PAK3: variants seen among roughly 807,000 people sequenced by gnomAD.
PAK3 encodes p21 (RAC1) activated kinase 3.
In PAK3, 4 loss-of-function variants were observed where a neutral mutation model predicts 41.0. The ratio of observed to expected loss-of-function variants is 0.10; its 90% CI spans 0.05 to 0.22. The LOEUF is 0.22. Ranked by LOEUF, PAK3 falls within the 10% of genes least tolerant of loss-of-function variation. The pLI is 1.00. For synonymous variants in PAK3, 146 were observed against 139.6 expected (o/e 1.05, Z -0.32); for missense variants, 205 against 409.9 (o/e 0.50, Z 4.32).
chrX:111,113,858 G>A (rs887617915), intron 4 of PAK3, among the ~76,000 whole-genome samples: 1 of 110,770 alleles, frequency 9.0e-6, no homozygotes, highest in Non-Finnish European at 1.9e-5. Context: ...TCCAACCTAT[G>A]AGTGAGAACA....
At chrX:111,090,247 T>C (rs1336162331) in intron 1 of PAK3, among the ~76,000 whole-genome samples, 1 of 110,879 alleles carries the variant, frequency 9.0e-6, no homozygotes, top group African/African-American at 3.3e-5. Flanking sequence ...TGAAGAGAGG[T>C]AATGTGCTTT....
chrX:110,954,953 G>A (rs763083648), intron 1 of PAK3, among the ~76,000 whole-genome samples: 71 of 111,202 alleles, frequency 6.4e-4, no homozygotes, highest in Non-Finnish European at 1.1e-3. Flanking sequence ...GAGCCTGGGT[G>A]GGGGAAGACA....
In PAK3 at chrX:111,173,038, G is replaced by T. The variant is rs1330059263; in HGVS notation, c.787G>T (p.Asp263Tyr). ...CTTAGGAAGCATTGTGAGTGTTGGG[G>T]ACCCAAAGAAAAAATACACAAGATT... ...EKLRSIVSVG[D>Y]PKKKYTRFEK... is the part of the protein sequence containing the mutation. The change falls in exon 11 of 18, where the codon GAC becomes TAC. Residue 263 changes from aspartate to tyrosine, a missense_variant. By Grantham distance (160) the Asp-to-Tyr change is radical. This residue lies in a region of PAK3 where 75 missense variants were observed against 91.9 expected (regional missense o/e 0.82). Coordinates refer to ENST00000372007, the MANE Select transcript of PAK3 (RefSeq NM_002578.5). 7.9e-6 allele frequency: 9 copies of T among 1,141,632 alleles called. No homozygotes were observed. The highest frequency in any genetic ancestry group is 1.1e-5 in the Non-Finnish European group (9 of 835,606). The allele number at this position is 1,141,632 out of a possible 1,213,427, so 94.1% of individuals were successfully genotyped here.
intron 17 of PAK3, among the ~76,000 whole-genome samples, chrX:111,219,268 G>A (rs1044776323): frequency 1.9e-5 from 2 of 107,783 alleles, no homozygotes; most frequent in Admixed American, 1.0e-4. Flanking sequence ...ACGTTGAGAA[G>A]AGAGTACCCG....
At chrX:110,959,831 G>C (rs1356855249) in intron 1 of PAK3, among the ~76,000 whole-genome samples, 1 of 111,547 alleles carries the variant, frequency 9.0e-6, no homozygotes, top group East Asian at 2.8e-4. Context: ...TCCTGAAAAA[G>C]AAGCGAAAAA....
At chrX:111,200,670 A>G (rs2094672296) in intron 16 of PAK3, among the ~76,000 whole-genome samples, 3 of 111,942 alleles carry the variant, frequency 2.7e-5, no homozygotes, top group Admixed American at 9.5e-5. Context: ...GAAAGAACAC[A>G]TCGGACCTCT....
At chrX:111,204,261 T>C (rs140373385) in intron 16 of PAK3, among the ~76,000 whole-genome samples, 240 of 111,011 alleles carry the variant, frequency 2.2e-3, no homozygotes, top group African/African-American at 7.5e-3. Context: ...AAAGGAGAAA[T>C]TGATTCCATA....
chrX:110,983,953 C>G (rs1448511412), intron 1 of PAK3, among the ~76,000 whole-genome samples: 2 of 111,947 alleles, frequency 1.8e-5, no homozygotes, highest in Admixed American at 9.5e-5. Flanking sequence ...TCAGCAAATC[C>G]TGTTCATTTA....
At chrX:110,989,322 C>T (rs1334054137) in intron 1 of PAK3, among the ~76,000 whole-genome samples, 1 of 112,286 alleles carries the variant, frequency 8.9e-6, no homozygotes, top group East Asian at 2.8e-4. Flanking sequence ...TACAACTTAA[C>T]ATAGTATATT....
At chrX:111,215,735 G>A (rs953516824) in intron 16 of PAK3, among the ~76,000 whole-genome samples, 1 of 111,761 alleles carries the variant, frequency 8.9e-6, no homozygotes, top group African/African-American at 3.3e-5. Context: ...ATGATAATTG[G>A]CAGGTGCCAA....
At chrX:111,096,075 C>G (rs1332121657), upstream of PAK3, among the ~76,000 whole-genome samples, 3 of 111,884 alleles carry the variant, frequency 2.7e-5, no homozygotes, top group Non-Finnish European at 5.6e-5. Flanking sequence ...CCCCAGTAGC[C>G]CACTCAGGGC....
chrX:111,139,438 T>C (rs1490681856), intron 5 of PAK3, among the ~76,000 whole-genome samples: 1 of 111,256 alleles, frequency 9.0e-6, no homozygotes, highest in Non-Finnish European at 1.9e-5. Flanking sequence ...TGTTTTTATT[T>C]GAATTGCATA....
At chrX:111,129,260 A>C (rs1485599370) in intron 5 of PAK3, among the ~76,000 whole-genome samples, 1 of 111,678 alleles carries the variant, frequency 9.0e-6, no homozygotes, top group East Asian at 2.8e-4. Context: ...GCAGTAGCTC[A>C]AAGTTATTAT....
chrX:111,058,377 T>A (rs999846190), intron 1 of PAK3, among the ~76,000 whole-genome samples: 2 of 111,796 alleles, frequency 1.8e-5, no homozygotes, highest in Non-Finnish European at 1.9e-5. Context: ...TAGAGCCATG[T>A]TAGTGGGCAT....
At chrX:111,139,364 AAG>A (rs2093839149) in intron 5 of PAK3, among the ~76,000 whole-genome samples, 1 of 112,030 alleles carries the variant, frequency 8.9e-6, no homozygotes, top group South Asian at 3.7e-4. Flanking sequence ...GCTTAAAAAA[AAG>A]ACTCAATCAC....
chrX:110,972,240 G>A (rs769054727), intron 1 of PAK3, among the ~76,000 whole-genome samples: 10 of 111,428 alleles, frequency 9.0e-5, no homozygotes, highest in African/African-American at 1.6e-4. Flanking sequence ...GCTTCACTGC[G>A]TTTGAGCTCT....
At chrX:111,169,479 C>CAGAGAGAGAGAGAACAAGGGCGAG (rs2094308285) in intron 10 of PAK3, 2 of 112,554 alleles carry the variant, frequency 1.8e-5, no homozygotes, top group Non-Finnish European at 1.8e-5. Flanking sequence ...ATATTAAGTA[C>CAGAGAGAGAGAGAACAAGGGCGAG]AGAGAGAGAG....
intron 1 of PAK3, among the ~76,000 whole-genome samples, chrX:111,012,105 C>T (rs1302499090): frequency 9.0e-6 from 1 of 111,306 alleles, no homozygotes; most frequent in Admixed American, 9.5e-5. Context: ...AGACCCTTAA[C>T]TAATTATAAT....
chrX:111,002,172 G>A (rs1031758659), intron 1 of PAK3, among the ~76,000 whole-genome samples: 2 of 111,523 alleles, frequency 1.8e-5, no homozygotes, highest in African/African-American at 6.5e-5. Flanking sequence ...TATGTGCCAG[G>A]CACTATAATA....
Sources: gnomAD v4.1 joint callset for allele counts (sites outside exome capture counted in the v4.1 genomes callset) on GRCh38, gnomAD v4.1.1 for gene constraint, gnomAD v4.1.1 regional missense constraint, MANE v1.5 for transcripts, NCBI Gene and HGNC (gene_info 2026-07-23, HGNC 2026-07-21) for gene names.